DST: variants seen among roughly 807,000 people sequenced by gnomAD.
The protein encoded by DST is bullous pemphigoid antigen.
In DST, 253 loss-of-function variants were observed where a neutral mutation model predicts 875.2. The observed-to-expected ratio is 0.29, with a 90% confidence interval of 0.26 to 0.32. The LOEUF (loss-of-function observed/expected upper bound fraction) is 0.32. DST is among the 10% of genes least tolerant of loss of function. DST has a pLI of 1.00. For synonymous variants in DST, 3,124 were observed against 3,197.1 expected (o/e 0.98, Z 0.77); for missense variants, 8,287 against 9,111.6 (o/e 0.91, Z 3.68).
chr6:56,495,828 C>A (rs1484578421), intron 82 of DST, among the ~76,000 whole-genome samples: 1 of 152,102 alleles, frequency 6.6e-6, no homozygotes, highest in African/African-American at 2.4e-5. Context: ...ACTTAAACTA[C>A]TGATGGTGAT....
In DST at chr6:56,918,252, G is replaced by T. The variant is rs544637591; in HGVS notation, c.217-17631C>A. Reference sequence around the variant, plus strand: ...AGTGATTCTCCTGCCTCAACCTCCTGAGTAGTTAGGATAACAGGCACGTGC... The same window carrying T: ...AGTGATTCTCCTGCCTCAACCTCCTTAGTAGTTAGGATAACAGGCACGTGC... On this transcript the variant is annotated intron_variant, in intron 2 of 103. Coordinates refer to ENST00000680361, the MANE Select transcript of DST (RefSeq NM_001374736.1). 1.8e-3 allele frequency among the ~76,000 whole-genome samples: 274 copies of T among 151,514 alleles called. 1 individual carries two copies. Among genetic ancestry groups the T allele is most frequent in the South Asian group, 3.1e-3 (15 of 4,796 alleles).
At chr6:56,653,661 G>A (rs548413833) in intron 10 of DST, among the ~76,000 whole-genome samples, 3 of 152,100 alleles carry the variant, frequency 2.0e-5, no homozygotes, top group African/African-American at 7.2e-5. Flanking sequence ...CTCCAGCCTG[G>A]ACAACAAGAG....
chr6:56,728,855 GCTAA>G (rs1177241364), intron 5 of DST, among the ~76,000 whole-genome samples: 5 of 151,986 alleles, frequency 3.3e-5, no homozygotes, highest in Non-Finnish European at 7.4e-5. Flanking sequence ...TTATGAAGTT[GCTAA>G]CTGTGTGGTC....
At chr6:56,668,126 C>G (rs1167836124) in intron 10 of DST, among the ~76,000 whole-genome samples, 4 of 152,146 alleles carry the variant, frequency 2.6e-5, no homozygotes, top group Non-Finnish European at 5.9e-5. Flanking sequence ...CAAAGATGCA[C>G]TGTTACAAAT....
chr6:56,793,306 ATACT>A (rs932524618), intron 4 of DST, among the ~76,000 whole-genome samples: 27 of 152,256 alleles, frequency 1.8e-4, no homozygotes, highest in Admixed American at 5.2e-4. Flanking sequence ...GACAACACAA[ATACT>A]TAATTATTTA....
At chr6:56,646,924 T>C (rs1302323533) in intron 13 of DST, among the ~76,000 whole-genome samples, 2 of 152,238 alleles carry the variant, frequency 1.3e-5, no homozygotes, top group Non-Finnish European at 2.9e-5. Context: ...AACAAGACCC[T>C]GTAAATCTTT....
chr6:56,612,738 C>T (rs1339014231), intron 37 of DST, among the ~76,000 whole-genome samples: 4 of 152,126 alleles, frequency 2.6e-5, no homozygotes, highest in African/African-American at 9.7e-5. Flanking sequence ...TTTAACAGAA[C>T]GACCATCAGC....
intron 82 of DST, among the ~76,000 whole-genome samples, chr6:56,496,244 T>C (rs115506000): frequency 0.025 from 3,845 of 152,238 alleles, 74 homozygotes; most frequent in Non-Finnish European, 0.043. Context: ...GTAGCCTAAA[T>C]TTAATTTCAC....
chr6:56,482,081 T>A lies in DST; in HGVS notation c.21500A>T (p.Asp7167Val). The A allele has an allele frequency of 6.2e-7, 1 of 1,613,782 alleles. No homozygotes were observed. Among genetic ancestry groups the A allele is most frequent in the South Asian group, 1.1e-5 (1 of 91,052 alleles). Residue 7167 changes from aspartate (D) to valine (V), a missense_variant, in exon 90 of 104, where the codon GAT becomes GTT. Asp to Val is a radical substitution (Grantham distance 152). This residue lies in a region of DST where 1,292 missense variants were observed against 1,552.7 expected (regional missense o/e 0.83). Coordinates refer to ENST00000680361, the MANE Select transcript of DST (RefSeq NM_001374736.1). ...RFHGVLPDDE[D>V]ALRTLIDQHK... Reference sequence around the variant, plus strand: ...CTGATCAATGAGAGTCCGGAGAGCATCCTCATCATCTGGGAGGACACCATG... The same window carrying A: ...CTGATCAATGAGAGTCCGGAGAGCAACCTCATCATCTGGGAGGACACCATG...
chr6:56,604,966 C>G lies in DST; in HGVS notation c.9662G>C (p.Gly3221Ala), dbSNP rs17674097. 1.1e-3 allele frequency: 1,805 copies of G among 1,612,722 alleles called. 2 individuals carry two copies. Among genetic ancestry groups the G allele is most frequent in the Middle Eastern group, 4.0e-3 (24 of 6,056 alleles). The change falls in exon 40 of 104, where the codon GGA becomes GCA. Residue 3221 changes from glycine (G) to alanine (A), a missense_variant. Physicochemically the swap from Gly to Ala is moderately conservative, Grantham distance 60. Coordinates refer to ENST00000680361, the MANE Select transcript of DST (RefSeq NM_001374736.1). ...GGACTTCTCTTTTGTATTATTAACT[C>G]CTAATTGTAAATGTTCTTTCATGGG... is the stretch of plus-strand genomic sequence containing the variant. ...APPMKEHLQLGVNNTKEKSTS... is the reference protein window; with the variant it reads ...APPMKEHLQLAVNNTKEKSTS...
chr6:56,812,665 A>G (rs979637403), intron 4 of DST, among the ~76,000 whole-genome samples: 2 of 152,260 alleles, frequency 1.3e-5, no homozygotes, highest in Non-Finnish European at 1.5e-5. Flanking sequence ...ACTGGAATAA[A>G]ACAGTCTTGA....
chr6:56,783,181 T>G (rs1303083927), intron 4 of DST, among the ~76,000 whole-genome samples: 1 of 152,200 alleles, frequency 6.6e-6, no homozygotes, highest in African/African-American at 2.4e-5. Context: ...GGTGTGGTGC[T>G]GAAAAAAATG....
intron 59 of DST, 58 bp downstream of exon 59, chr6:56,557,261 T>C (rs1432864497): frequency 8.1e-6 from 12 of 1,472,536 alleles, no homozygotes; most frequent in East Asian, 2.3e-5. Context: ...AATGAAAACA[T>C]TGGTCTCAGT....
intron 4 of DST, among the ~76,000 whole-genome samples, chr6:56,815,150 T>C (rs1379481052): frequency 2.6e-5 from 4 of 152,098 alleles, no homozygotes; most frequent in Non-Finnish European, 5.9e-5. Context: ...TTAACATATA[T>C]AAAGCATTTA....
At chr6:56,574,702 C>T (rs1287463212) in intron 50 of DST, among the ~76,000 whole-genome samples, 1 of 151,816 alleles carries the variant, frequency 6.6e-6, no homozygotes, top group Non-Finnish European at 1.5e-5. Context: ...TACATGTTAA[C>T]ATCCTACATT....
chr6:56,522,331 A>C (rs541152961), intron 69 of DST, among the ~76,000 whole-genome samples: 1 of 152,264 alleles, frequency 6.6e-6, no homozygotes, highest in African/African-American at 2.4e-5. Flanking sequence ...GATTCTAACG[A>C]AGGTGGTCTG....
At chr6:56,849,134 ATTT>A (rs755617631) in intron 4 of DST, among the ~76,000 whole-genome samples, 1 of 114,964 alleles carries the variant, frequency 8.7e-6, no homozygotes. Flanking sequence ...AATTCATGCA[ATTT>A]TTTTTTTTTT....
At chr6:56,712,275 A>G (rs2152896067) in intron 5 of DST, among the ~76,000 whole-genome samples, 1 of 152,238 alleles carries the variant, frequency 6.6e-6, no homozygotes, top group South Asian at 2.1e-4. Flanking sequence ...AATCATGGTA[A>G]GTACTACTAT....
At chr6:56,720,397 C>T (rs1034940989) in intron 5 of DST, among the ~76,000 whole-genome samples, 6 of 142,686 alleles carry the variant, frequency 4.2e-5, no homozygotes, top group Admixed American at 2.1e-4. Context: ...GGGTGTTTCT[C>T]GGAGAGAGGG....
Sources: allele counts gnomAD v4.1 joint callset (sites outside exome capture counted in the v4.1 genomes callset), GRCh38; gene constraint gnomAD v4.1.1; regional missense constraint gnomAD v4.1.1; transcripts MANE v1.5; gene names NCBI Gene and HGNC (gene_info 2026-07-23, HGNC 2026-07-21).